TBC1D19: variants seen among roughly 807,000 people sequenced by gnomAD.
The protein encoded by TBC1D19 is TBC1 domain family member 19.
In TBC1D19, 60 loss-of-function variants were observed where a neutral mutation model predicts 89.0. The observed-to-expected ratio is 0.67, with a 90% confidence interval of 0.55 to 0.84. TBC1D19 has a LOEUF of 0.84. TBC1D19 is among the 40% of genes least tolerant of loss of function. The pLI, the probability that TBC1D19 is intolerant of heterozygous loss-of-function variation, is 0.00. For synonymous variants in TBC1D19, 189 were observed against 199.7 expected, an observed-to-expected ratio of 0.95 and a Z score of 0.45; for missense variants, 500 against 610.8, an observed-to-expected ratio of 0.82 and a Z score of 1.91.
rs540065113 is a variant in TBC1D19, at chr4:26,676,216, TG to T, written c.816+2330del. 1.6e-4 allele frequency among the ~76,000 whole-genome samples: 24 copies of T among 152,344 alleles called. No individual in the cohort carries two copies. The South Asian group carries it at 4.8e-3, about 30-fold the overall frequency. On this transcript the variant is annotated intron_variant, in intron 11 of 20. Coordinates refer to ENST00000264866, the MANE Select transcript of TBC1D19 (RefSeq NM_018317.4). ...AATGCCTGATCTGCCTAGATTTTTGTGGTCAGCTCACTTAGTCTTCACGGTG... is the reference window on the plus strand; with the variant it reads ...AATGCCTGATCTGCCTAGATTTTTGTGTCAGCTCACTTAGTCTTCACGGTG...
At chr4:26,741,325 C>T (rs1036129051) in intron 17 of TBC1D19, among the ~76,000 whole-genome samples, 2 of 142,794 alleles carry the variant, frequency 1.4e-5, no homozygotes, top group Non-Finnish European at 3.0e-5. Context: ...CACTACAGTC[C>T]GCAGTCCGGC....
rs772664640 is a variant in TBC1D19, at chr4:26,720,062, C to A, written c.1040-19C>A. The A allele has an allele frequency of 2.5e-6, 4 of 1,576,958 alleles. No individual in the cohort carries two copies. The African/African-American group carries it at 4.1e-5, about 16-fold the overall frequency. ...ATTTACTTAATCATATTGAAATCCT[C>A]TATGGTTTTCTCTTATAGGAAAACT... On this transcript the variant is annotated intron_variant, in intron 14 of 20. Coordinates refer to ENST00000264866, the MANE Select transcript of TBC1D19 (RefSeq NM_018317.4).
intron 13 of TBC1D19, among the ~76,000 whole-genome samples, chr4:26,705,178 T>C (rs1374893873): frequency 6.6e-6 from 1 of 152,198 alleles, no homozygotes; most frequent in Non-Finnish European, 1.5e-5. Context: ...ATATTCTGGT[T>C]ATTAATGTCT....
the TBC1D19 span, among the ~76,000 whole-genome samples, chr4:26,793,904 A>G: frequency 4.6e-5 from 7 of 152,136 alleles, no homozygotes; most frequent in Admixed American, 6.5e-5. Context: ...CATCTTTCCA[A>G]TAGTTCTAGC....
At chr4:26,589,405 G>A (rs754499777) in intron 1 of TBC1D19, among the ~76,000 whole-genome samples, 1 of 152,152 alleles carries the variant, frequency 6.6e-6, no homozygotes, top group Non-Finnish European at 1.5e-5. Context: ...ACTTTCTTCT[G>A]TCTCCTTGCC....
chr4:26,851,595 A>G, the TBC1D19 span, among the ~76,000 whole-genome samples: 1 of 152,168 alleles, frequency 6.6e-6, no homozygotes, highest in African/African-American at 2.4e-5. Context: ...CCCCTTCATA[A>G]ACTTACTTTT....
chr4:26,851,311 A>ATCTATCTATCTATCTATCTG, the TBC1D19 span, among the ~76,000 whole-genome samples: 5 of 114,790 alleles, frequency 4.4e-5, no homozygotes, highest in Admixed American at 2.7e-4. Context: ...TACCCTATCT[A>ATCTATCTATCTATCTATCTG]TCTATCTATC....
At chr4:26,770,665 T>C in the TBC1D19 span, among the ~76,000 whole-genome samples, 1 of 152,090 alleles carries the variant, frequency 6.6e-6, no homozygotes, top group Non-Finnish European at 1.5e-5. Flanking sequence ...AACTATACAT[T>C]AATCTCAAGT....
rs1383039049 is a variant in TBC1D19, at chr4:26,755,593, T to C, written c.*646T>C. On this transcript the variant is annotated 3_prime_UTR_variant, in exon 21 of 21. Transcript: ENST00000264866. ...CATTTGACAATATTTTATGCTTGAC[T>C]CTCTGAAAGTCAGAAAATTATAGGT... 6.6e-6 allele frequency among the ~76,000 whole-genome samples: 1 copy of C among 152,212 alleles called. No homozygotes were observed. The highest frequency in any genetic ancestry group is 1.5e-5 in the Non-Finnish European group (1 of 68,022).
At chr4:26,790,659 A>G in the TBC1D19 span, among the ~76,000 whole-genome samples, 3 of 152,320 alleles carry the variant, frequency 2.0e-5, no homozygotes, top group South Asian at 4.1e-4. Flanking sequence ...ATAATATTAA[A>G]TTTTACTGTA....
the TBC1D19 span, chr4:26,858,143 T>C: frequency 1.3e-5 from 2 of 152,228 alleles, no homozygotes; most frequent in African/African-American, 4.8e-5. Context: ...TGAGGACAGA[T>C]TAACCTGTCT....
At chr4:26,706,017 A>G (rs549055278) in intron 13 of TBC1D19, among the ~76,000 whole-genome samples, 1 of 152,070 alleles carries the variant, frequency 6.6e-6, no homozygotes, top group Non-Finnish European at 1.5e-5. Flanking sequence ...GCCTCAAGCA[A>G]TTCTCTTGCC....
chr4:26,696,082 A>G (rs1430007858), intron 13 of TBC1D19, among the ~76,000 whole-genome samples: 1 of 152,246 alleles, frequency 6.6e-6, no homozygotes, highest in Non-Finnish European at 1.5e-5. Flanking sequence ...TAAAGAGTCA[A>G]GACCCATCAG....
At chr4:26,747,084 G>C (rs1281887195) in intron 18 of TBC1D19, among the ~76,000 whole-genome samples, 1 of 152,168 alleles carries the variant, frequency 6.6e-6, no homozygotes, top group East Asian at 1.9e-4. Context: ...TTTTTGGACT[G>C]TTGGTGACCA....
At chr4:26,731,419 G>C (rs1435711461) in intron 15 of TBC1D19, among the ~76,000 whole-genome samples, 1 of 152,086 alleles carries the variant, frequency 6.6e-6, no homozygotes, top group Non-Finnish European at 1.5e-5. Context: ...ATCCAAAAGA[G>C]ACAGGAGAGG....
At chr4:26,802,676 AT>A in the TBC1D19 span, among the ~76,000 whole-genome samples, 3 of 152,258 alleles carry the variant, frequency 2.0e-5, no homozygotes, top group Non-Finnish European at 4.4e-5. Flanking sequence ...AAAAAAATAT[AT>A]GAAATAATGG....
the TBC1D19 span, among the ~76,000 whole-genome samples, chr4:26,847,940 C>T: frequency 6.6e-6 from 1 of 152,160 alleles, no homozygotes; most frequent in Admixed American, 6.5e-5. Context: ...ATATCAGGAG[C>T]ATGGTTTTTG....
chr4:26,615,376 A>G (rs917807113), intron 3 of TBC1D19, among the ~76,000 whole-genome samples: 7 of 152,066 alleles, frequency 4.6e-5, no homozygotes, highest in South Asian at 2.1e-4. Flanking sequence ...CACTGAGCAT[A>G]TAGTATAGAA....
At chr4:26,664,628 C>CTTTTTT (rs34385885) in intron 8 of TBC1D19, among the ~76,000 whole-genome samples, 1 of 136,224 alleles carries the variant, frequency 7.3e-6, no homozygotes, top group Non-Finnish European at 1.6e-5. Context: ...AGATGCAGTA[C>CTTTTTT]TTTTTTTTTT....
Sources: allele counts gnomAD v4.1 joint callset (sites outside exome capture counted in the v4.1 genomes callset), GRCh38; gene constraint gnomAD v4.1.1; transcripts MANE v1.5; gene names NCBI Gene and HGNC (gene_info 2026-07-23, HGNC 2026-07-21).